Variants in PDPR observed in about 807,000 individuals in gnomAD.
The protein encoded by PDPR is pyruvate dehydrogenase phosphatase regulatory subunit, mitochondrial.
A neutral mutation model predicts 102.2 loss-of-function variants in PDPR; 50 were observed. That is an observed-to-expected ratio of 0.49 (90% CI 0.39 to 0.62). The LOEUF is 0.62. Among genes scored for constraint, PDPR ranks in the 20% least tolerant of loss-of-function variants. The probability of loss-of-function intolerance (pLI) is 0.00; values close to 1 mark genes in which losing one functional copy is unlikely to be tolerated. For missense variants in PDPR, 625 were observed against 1,098.2 expected (o/e 0.57, Z 6.09); for synonymous variants, 259 against 406.0 (o/e 0.64, Z 4.35).
At chr16:70,147,322 A>G (rs1966317423) in intron 16 of PDPR, among the ~76,000 whole-genome samples, 2 of 152,110 alleles carry the variant, frequency 1.3e-5, no homozygotes, top group Non-Finnish European at 2.9e-5. Flanking sequence ...CTCTAAATGT[A>G]AAGTCTTTAT....
rs369206950 is a variant in PDPR, at chr16:70,156,668, G to A, written c.2429G>A (p.Arg810His). 341 of 1,613,994 alleles carry A rather than the reference G, an allele frequency of 2.1e-4. 2 individuals carry two copies. The South Asian group carries it at 3.0e-3, about 14-fold the overall frequency. The change falls in exon 19 of 19, where the codon CGC becomes CAC. Residue 810 changes from arginine (R) to histidine (H), a missense_variant. Physicochemically the swap from Arg to His is conservative, Grantham distance 29. This residue lies in a region of PDPR where 303 missense variants were observed against 258.9 expected (regional missense o/e 1.17). Transcript: ENST00000288050. ...AGTGCCTACAGCTACAGCCTGGAGCGCCACGTTTGCCTGGGCTTTGTGCAC... is the reference window on the plus strand; with the variant it reads ...AGTGCCTACAGCTACAGCCTGGAGCACCACGTTTGCCTGGGCTTTGTGCAC... The part of the protein sequence containing the change: ...TSSAYSYSLE[R>H]HVCLGFVHNF...
intron 2 of PDPR, 165 bp from the exon 3 acceptor site, chr16:70,120,296 C>T (rs1044904432): frequency 4.4e-5 from 24 of 542,984 alleles, no homozygotes; most frequent in East Asian, 6.4e-5. Context: ...GTGATCCGCC[C>T]GCCTTGGCCT....
rs370576074 is a variant in PDPR, at chr16:70,116,621, G to A, written c.-33+1691G>A. On this transcript the variant is annotated intron_variant, in intron 2 of 18. Coordinates refer to ENST00000288050, the MANE Select transcript of PDPR (RefSeq NM_017990.5). Reference sequence around the variant, plus strand: ...TGAGAGAGTATTGAATCCAACAAACGGGAACTGGTTAGTGAGGCCCAAGAT... The same window carrying A: ...TGAGAGAGTATTGAATCCAACAAACAGGAACTGGTTAGTGAGGCCCAAGAT... 5.4e-5 allele frequency among the ~76,000 whole-genome samples: 8 copies of A among 148,144 alleles called. No homozygotes were observed. In the East Asian group the frequency reaches 6.1e-4, roughly 11 times the overall value.
At position 70,137,461 on chromosome 16, in the gene PDPR, A is replaced by G. The variant is rs572070812; in HGVS notation, c.1190+1075A>G. 3.8e-4 allele frequency among the ~76,000 whole-genome samples: 58 copies of G among 152,348 alleles called. No homozygotes were observed. The South Asian group carries it at 0.011, about 29-fold the overall frequency. On this transcript the variant is annotated intron_variant, in intron 10 of 18. Transcript: ENST00000288050. ...GGTTCCACTTATATGAAGTTGCTAG[A>G]GTTGTCACATCATAGAGACAGAAAG...
At chr16:70,116,661 A>G (rs1962670771) in intron 2 of PDPR, among the ~76,000 whole-genome samples, 2 of 150,998 alleles carry the variant, frequency 1.3e-5, no homozygotes, top group African/African-American at 2.4e-5. Context: ...TGGTGGCCGC[A>G]CCATGAGTAC....
At chr16:70,130,151 G>T (rs1964390498) in intron 6 of PDPR, among the ~76,000 whole-genome samples, 1 of 152,238 alleles carries the variant, frequency 6.6e-6, no homozygotes, top group African/African-American at 2.4e-5. Context: ...AAATTAGCCG[G>T]GCATGGTGGT....
chr16:70,148,921 G>T (rs188948017), intron 17 of PDPR, among the ~76,000 whole-genome samples: 2 of 151,742 alleles, frequency 1.3e-5, no homozygotes, highest in East Asian at 3.9e-4. Context: ...TTGAGACAGG[G>T]TCTCACTCTT....
In PDPR at chr16:70,155,203, A is replaced by T. The variant is rs543729322; in HGVS notation, c.2236-1272A>T. Among the ~76,000 whole-genome samples, 105 of 152,340 alleles carry T rather than the reference A, an allele frequency of 6.9e-4. No homozygotes were observed. The East Asian group carries it at 0.02, about 28-fold the overall frequency. Reference sequence around the variant, plus strand: ...CAAGGCTCCATCTCCAAAAAAAAAAAAGGTAATAACCCATTTTGGAAAATA... The same window carrying T: ...CAAGGCTCCATCTCCAAAAAAAAAATAGGTAATAACCCATTTTGGAAAATA... On this transcript the variant is annotated intron_variant, in intron 18 of 18. Transcript: ENST00000288050.
At chr16:70,162,846 G>A (rs1350754455), downstream of PDPR, among the ~76,000 whole-genome samples, 1 of 152,284 alleles carries the variant, frequency 6.6e-6, no homozygotes, top group Non-Finnish European at 1.5e-5. Context: ...TGGAAAGCAA[G>A]GGGGGTCGTG....
intron 18 of PDPR, among the ~76,000 whole-genome samples, chr16:70,156,057 T>A (rs1308457267): frequency 6.6e-6 from 1 of 152,238 alleles, no homozygotes; most frequent in Non-Finnish European, 1.5e-5. Context: ...ACCCAGCTTA[T>A]TTTTGTATTT....
chr16:70,157,044 T>C lies in PDPR; in HGVS notation c.*165T>C, dbSNP rs1967294131. 3 of 1,013,750 alleles carry C rather than the reference T, an allele frequency of 3.0e-6. No homozygotes were observed. Among genetic ancestry groups the C allele is most frequent in the Non-Finnish European group, 3.0e-6 (2 of 670,722 alleles). The allele number at this position is 1,013,750 out of a possible 1,614,324, so 62.8% of individuals were successfully genotyped here. On this transcript the variant is annotated 3_prime_UTR_variant, in exon 19 of 19. Transcript: ENST00000288050. ...CTTGACCTACTTTAAACTTTTTTGC[T>C]CTGCAGCCTTCCTTGCCCTTCCACC...
chr16:70,122,059 T>C (rs1963360469), intron 3 of PDPR, among the ~76,000 whole-genome samples: 2 of 152,244 alleles, frequency 1.3e-5, no homozygotes, highest in Non-Finnish European at 2.9e-5. Flanking sequence ...CAATTTCTGC[T>C]CACTGCAACC....
At chr16:70,138,343 G>A (rs1161118518) in intron 10 of PDPR, among the ~76,000 whole-genome samples, 5 of 151,284 alleles carry the variant, frequency 3.3e-5, no homozygotes, top group South Asian at 2.1e-4. Context: ...CTCAGCCTCC[G>A]TAGTAGCTGG....
At chr16:70,133,755 T>G (rs1186590569) in intron 9 of PDPR, among the ~76,000 whole-genome samples, 38 of 150,968 alleles carry the variant, frequency 2.5e-4, no homozygotes, top group Non-Finnish European at 2.1e-4. Context: ...TTTTTTGAGA[T>G]GGAGTTTCAC....
intron 18 of PDPR, among the ~76,000 whole-genome samples, chr16:70,154,003 C>A (rs2152120285): frequency 6.6e-6 from 1 of 152,320 alleles, no homozygotes; most frequent in East Asian, 1.9e-4. Context: ...CACAGTGAAA[C>A]CCCGTCTCTA....
In PDPR at chr16:70,156,804, C is replaced by G; in HGVS notation, c.2565C>G (p.Leu855=). Residue 855 remains leucine (L), a synonymous_variant, in exon 19 of 19, where the codon CTC becomes CTG. Transcript: ENST00000288050. The part of the protein sequence containing the change: ...AGYRFQAKAK[L]YPVASLFTQK... The stretch of plus-strand genomic sequence containing the variant: ...ACCGCTTCCAGGCCAAGGCCAAGCT[C>G]TACCCTGTCGCCTCCCTCTTCACCC... The G allele has an allele frequency of 6.2e-7, 1 of 1,614,084 alleles. No homozygotes were observed. The highest frequency in any genetic ancestry group is 2.2e-5 in the East Asian group (1 of 44,886).
At chr16:70,118,186 G>T (rs1182706891) in intron 2 of PDPR, among the ~76,000 whole-genome samples, 1 of 152,200 alleles carries the variant, frequency 6.6e-6, no homozygotes, top group Non-Finnish European at 1.5e-5. Context: ...TGGAGCTAGG[G>T]TCAAGAGAAG....
At position 70,136,255 on chromosome 16, in the gene PDPR, G is replaced by C. The variant is rs562559654; in HGVS notation, c.1059G>C (p.Lys353Asn). The change falls in exon 10 of 19, where the codon AAG (lysine) becomes AAC (asparagine). Residue 353 changes from lysine to asparagine, a missense_variant. By Grantham distance (94) the Lys-to-Asn change is moderately conservative. This residue lies in a region of PDPR where 50 missense variants were observed against 79.9 expected (regional missense o/e 0.63). Transcript: ENST00000288050. ...AATTAGAGACTCTGGAGATCATGAA[G>C]TTGGTGAACTGCCCAGAGACCTTCA... ...MPELETLEIM[K>N]LVNCPETFTP... 2.7e-5 allele frequency: 44 copies of C among 1,612,768 alleles called. No homozygotes were observed. In the Admixed American group the frequency reaches 5.5e-4, roughly 20 times the overall value.
intron 13 of PDPR, 80 bp from the exon 14 acceptor site, chr16:70,143,430 G>A (rs1387133538): frequency 7.9e-6 from 12 of 1,525,092 alleles, no homozygotes; most frequent in East Asian, 4.6e-5. Flanking sequence ...TTCTCAATGA[G>A]GTTCATTGCT....
Sources: allele counts gnomAD v4.1 joint callset (sites outside exome capture counted in the v4.1 genomes callset), GRCh38; gene constraint gnomAD v4.1.1; regional missense constraint gnomAD v4.1.1; transcripts MANE v1.5; gene names NCBI Gene and HGNC (gene_info 2026-07-23, HGNC 2026-07-21).